The following WDR19 variants were observed in gnomAD, a reference collection of about 807,000 sequenced individuals.
WDR19 encodes WD repeat domain 19, also known as WD repeat-containing protein 19.
A neutral mutation model predicts 180.0 loss-of-function variants in WDR19; 121 were observed. That is an observed-to-expected ratio of 0.67 (90% CI 0.58 to 0.78). WDR19 has a LOEUF of 0.78. Ranked by LOEUF, WDR19 falls within the 30% of genes least tolerant of loss-of-function variation. The pLI, the probability that WDR19 is intolerant of heterozygous loss-of-function variation, is 0.00. For synonymous variants in WDR19, 497 were observed against 540.7 expected (o/e 0.92, Z 1.12); for missense variants, 1,450 against 1,640.7 (o/e 0.88, Z 2.01).
chr4:39,189,837 G>T, intron 4 of WDR19, 56 bp downstream of exon 4: 1 of 1,532,510 alleles, frequency 6.5e-7, no homozygotes. Context: ...ATATTTGTAG[G>T]TTTGGTGCTA....
rs535013766 is a variant in WDR19, at chr4:39,277,336, A to T, written c.3840+193A>T. Among the ~76,000 whole-genome samples the T allele has an allele frequency of 5.3e-5, 8 of 152,346 alleles. No homozygotes were observed. The East Asian group carries it at 1.3e-3, about 26-fold the overall frequency. On this transcript the variant is annotated intron_variant, in intron 34 of 36. Coordinates refer to ENST00000399820, the MANE Select transcript of WDR19 (RefSeq NM_025132.4). ...CAAAGCAAATAATAATAGTGGAGGC[A>T]CTATCACTGCAGGACCAAATAGCAC...
chr4:39,230,902 C>T (rs1387860839), intron 17 of WDR19, among the ~76,000 whole-genome samples: 1 of 152,104 alleles, frequency 6.6e-6, no homozygotes, highest in Non-Finnish European at 1.5e-5. Context: ...GGTCGGAAAA[C>T]CTTTTGTGTT....
rs760094205 is a variant in WDR19 at position 39,278,181 on chromosome 4, C to T, written c.3891C>T (p.Phe1297=). 3.7e-6 allele frequency: 6 copies of T among 1,606,802 alleles called. No homozygotes were observed. In the South Asian group the frequency reaches 6.7e-5, roughly 18 times the overall value. ...DDWTVCPHCD[F]PALYSELKIM... Reference sequence around the variant, plus strand: ...GGACGGTGTGTCCACATTGTGACTTCCCTGCTCTATACTCAGAATTGAAGA... The same window carrying T: ...GGACGGTGTGTCCACATTGTGACTTTCCTGCTCTATACTCAGAATTGAAGA... The change falls in exon 35 of 37, where the codon TTC becomes TTT. Residue 1297 remains phenylalanine (F), a synonymous_variant. Transcript: ENST00000399820.
intron 20 of WDR19, 110 bp downstream of exon 20, chr4:39,234,985 G>A: frequency 1.5e-6 from 1 of 651,994 alleles, no homozygotes; most frequent in Non-Finnish European, 2.6e-6. Context: ...AATTTTTTTA[G>A]AGAAAAAATA....
intron 31 of WDR19, among the ~76,000 whole-genome samples, chr4:39,271,779 C>A (rs1735407077): frequency 1.3e-5 from 2 of 152,106 alleles, no homozygotes; most frequent in South Asian, 4.1e-4. Context: ...GATTTACATC[C>A]TAATTATTGT....
At chr4:39,279,127 G>A (rs1472304847) in intron 36 of WDR19, among the ~76,000 whole-genome samples, 3 of 152,046 alleles carry the variant, frequency 2.0e-5, no homozygotes, top group Non-Finnish European at 2.9e-5. Context: ...GCACTTACTC[G>A]TGGCCACACA....
At chr4:39,284,037 T>G (rs1243992438) in intron 36 of WDR19, among the ~76,000 whole-genome samples, 1 of 152,190 alleles carries the variant, frequency 6.6e-6, no homozygotes, top group Non-Finnish European at 1.5e-5. Context: ...TTGACTATAC[T>G]TGCCTGGGTG....
rs1286484497 is a variant in WDR19 at position 39,228,328 on chromosome 4, C to T, written c.1748C>T (p.Thr583Ile). 8 of 1,611,648 alleles carry T rather than the reference C, an allele frequency of 5.0e-6. No homozygotes were observed. Among genetic ancestry groups the T allele is most frequent in the Non-Finnish European group, 6.8e-6 (8 of 1,178,204 alleles). Reference protein sequence around the residue: ...FIAYDDDKVYTYVFHKDTIQG... With the variant: ...FIAYDDDKVYIYVFHKDTIQG... ...GCTTATGATGATGATAAGGTGTACA[C>T]TTATGTCTTTCACAAGGACACTATA... Residue 583 changes from threonine to isoleucine, a missense_variant, in exon 16 of 37, where the codon ACT becomes ATT. Thr to Ile is a moderately conservative substitution (Grantham distance 89). Coordinates refer to ENST00000399820, the MANE Select transcript of WDR19 (RefSeq NM_025132.4).
intron 4 of WDR19, 127 bp from the exon 5 acceptor site, chr4:39,194,417 C>G: frequency 1.8e-6 from 1 of 567,102 alleles, no homozygotes. Flanking sequence ...TGTCCTAAAG[C>G]ATTAAGTTGT....
intron 29 of WDR19, among the ~76,000 whole-genome samples, chr4:39,267,326 T>C (rs1734914738): frequency 6.6e-6 from 1 of 152,142 alleles, no homozygotes; most frequent in Admixed American, 6.5e-5. Context: ...ACCGTAGTGG[T>C]CCCTGAGTCC....
intron 23 of WDR19, 150 bp from the exon 24 acceptor site, chr4:39,245,219 T>C: frequency 3.7e-6 from 2 of 547,402 alleles, no homozygotes. Flanking sequence ...AGTTCTGGGA[T>C]TACAGGCCAC....
At chr4:39,224,264 G>C (rs1027225384) in intron 14 of WDR19, among the ~76,000 whole-genome samples, 9 of 152,016 alleles carry the variant, frequency 5.9e-5, no homozygotes, top group African/African-American at 1.9e-4. Context: ...TATAATAGGG[G>C]TATTTCTAGC....
At chr4:39,230,838 G>A (rs1439435753) in intron 17 of WDR19, among the ~76,000 whole-genome samples, 2 of 152,182 alleles carry the variant, frequency 1.3e-5, no homozygotes, top group East Asian at 3.9e-4. Context: ...ATTCACTCAT[G>A]TAGAGGTTCC....
rs1318462578 is a variant in WDR19, at chr4:39,190,852, ACT to A, written c.290+1076_290+1077del. Reference sequence around the variant, plus strand: ...ATCACTTTTCAGAAAGATTTTATATACTCTCTGTGCTTCCATTCAAGGGAAAG... The same window carrying A: ...ATCACTTTTCAGAAAGATTTTATATACTCTGTGCTTCCATTCAAGGGAAAG... On this transcript the variant is annotated intron_variant, in intron 4 of 36. Coordinates refer to ENST00000399820, the MANE Select transcript of WDR19 (RefSeq NM_025132.4). Among the ~76,000 whole-genome samples, 5 of 152,100 alleles carry A rather than the reference ACT, an allele frequency of 3.3e-5. No individual in the cohort carries two copies. In the South Asian group the frequency reaches 8.3e-4, roughly 25 times the overall value.
chr4:39,193,238 T>G (rs374848946), intron 4 of WDR19, among the ~76,000 whole-genome samples: 2 of 151,454 alleles, frequency 1.3e-5, no homozygotes. Context: ...CTTGGCTCAC[T>G]GCAACCTCCG....
rs1370898895 is a variant in WDR19, at chr4:39,203,837, A to G, written c.603+115A>G. ...TAAATAAATTAGGTCCATTGACTGT[A>G]TTTTAAGCCAAGGTAGAGCTAGGTC... On this transcript the variant is annotated intron_variant, in intron 7 of 36. Transcript: ENST00000399820. 8.8e-6 allele frequency: 9 copies of G among 1,028,226 alleles called. No individual in the cohort carries two copies. In the Admixed American group the frequency reaches 1.8e-4, roughly 21 times the overall value. The allele number at this position is 1,028,226 out of a possible 1,614,324, so 63.7% of individuals were successfully genotyped here.
chr4:39,205,192 A>T lies in WDR19; in HGVS notation c.642A>T (p.Leu214Phe). 17 of 1,598,894 alleles carry T rather than the reference A, an allele frequency of 1.1e-5. No homozygotes were observed. Among genetic ancestry groups the T allele is most frequent in the Non-Finnish European group, 1.4e-5 (16 of 1,172,188 alleles). The change falls in exon 8 of 37, where the codon TTA becomes TTT. Residue 214 changes from leucine (L) to phenylalanine (F), a missense_variant. Leu to Phe is a conservative substitution (Grantham distance 22, BLOSUM62 0). Transcript: ENST00000399820. ...TTGGCAAGAAAACTTTGTTTTTTTT[A>T]AATCTGAATGAACCAGATAACCCAG... ...VVLGKKTLFFLNLNEPDNPAD... is the reference protein window; with the variant it reads ...VVLGKKTLFFFNLNEPDNPAD...
At chr4:39,267,968 A>AT in intron 29 of WDR19, 27 bp from the exon 30 acceptor site, 1 of 1,569,682 alleles carries the variant, frequency 6.4e-7, no homozygotes, top group Non-Finnish European at 8.7e-7. Context: ...GAAGAAAGTA[A>AT]TGTTTCTATA....
At position 39,214,582 on chromosome 4, in the gene WDR19, A is replaced by G. The variant is rs553577166; in HGVS notation, c.891-19A>G. ...TAAAGATCATATATATTTTTTAATA[A>G]TGCATTTTTGTTTTTCAGCATTAAA... On this transcript the variant is annotated intron_variant, in intron 9 of 36. Coordinates refer to ENST00000399820, the MANE Select transcript of WDR19 (RefSeq NM_025132.4). 5.7e-6 allele frequency: 8 copies of G among 1,398,176 alleles called. No homozygotes were observed. The South Asian group carries it at 1.0e-4, about 18-fold the overall frequency. 86.6% of individuals were successfully genotyped at this position (1,398,176 alleles called of 1,614,324 possible).
Sources: allele counts gnomAD v4.1 joint callset (sites outside exome capture counted in the v4.1 genomes callset), GRCh38; gene constraint gnomAD v4.1.1; transcripts MANE v1.5; gene names NCBI Gene and HGNC (gene_info 2026-07-23, HGNC 2026-07-21).